Variants in PCDH11X observed in about 807,000 individuals in gnomAD.
PCDH11X encodes protocadherin 11 X-linked, also known as protocadherin-11 X-linked.
Under a neutral mutation model 53.3 loss-of-function variants are expected in PCDH11X, and 18 were observed. That is an observed-to-expected ratio of 0.34 (90% CI 0.23 to 0.50). PCDH11X has a LOEUF of 0.50. Ranked by LOEUF, PCDH11X falls within the 20% of genes least tolerant of loss-of-function variation. PCDH11X has a pLI of 0.98. For synonymous variants in PCDH11X, 279 were observed against 393.3 expected, an observed-to-expected ratio of 0.71 and a Z score of 3.44; for missense variants, 570 against 1,032.4, an observed-to-expected ratio of 0.55 and a Z score of 6.14.
At chrX:92,406,148 G>A (rs1486766792) in intron 9 of PCDH11X, among the ~76,000 whole-genome samples, 48 of 98,351 alleles carry the variant, frequency 4.9e-4, no homozygotes, top group African/African-American at 1.7e-3. Flanking sequence ...CCCAAAATTT[G>A]TATACCAACA....
rs267606530 is a variant in PCDH11X at position 91,879,049 on chromosome X, C to T, written c.2809C>T (p.Arg937Ter). 3 of 1,211,201 alleles carry T rather than the reference C, an allele frequency of 2.5e-6. No homozygotes were observed. The highest frequency in any genetic ancestry group is 3.4e-6 in the Non-Finnish European group (3 of 895,371). The change falls in exon 6 of 11, where the codon CGA becomes TGA. Residue 937 changes from arginine (R) to a stop codon, truncating the protein, a stop_gained. Transcript: ENST00000682573. LOFTEE classifies it high-confidence loss of function. ...TFKPDSPDLARHYKSASPQPA... is the reference protein window; with the variant it reads ...TFKPDSPDLA ...CAAGCCCGACAGCCCTGATTTGGCC[C>T]GACACTACAAATCTGCCTCTCCACA...
intron 10 of PCDH11X, among the ~76,000 whole-genome samples, chrX:92,567,903 C>T (rs62598736): frequency 0.21 from 22,874 of 107,757 alleles, 2,470 homozygotes; most frequent in Non-Finnish European, 0.32. Context: ...TGCTGGGCTT[C>T]ATACCTAGAT....
intron 9 of PCDH11X, among the ~76,000 whole-genome samples, chrX:92,403,063 A>G (rs891890780): frequency 9.3e-6 from 1 of 107,650 alleles, no homozygotes; most frequent in African/African-American, 3.4e-5. Context: ...AAATTTTACT[A>G]CCTTGCCTCT....
At chrX:91,883,662 T>C in intron 6 of PCDH11X, 1 of 496,051 alleles carries the variant, frequency 2.0e-6, no homozygotes, top group South Asian at 1.1e-4. Flanking sequence ...AAAATTAGCC[T>C]GGCGTGGTGG....
At chrX:91,782,780 G>A (rs1445795013) in intron 1 of PCDH11X, among the ~76,000 whole-genome samples, 1 of 111,682 alleles carries the variant, frequency 9.0e-6, no homozygotes, top group African/African-American at 3.3e-5. Context: ...TCTTTAAGAC[G>A]GAAGCCCGCT....
At chrX:91,821,252 G>A (rs370042615) in intron 4 of PCDH11X, among the ~76,000 whole-genome samples, 1 of 110,068 alleles carries the variant, frequency 9.1e-6, no homozygotes, top group Non-Finnish European at 1.9e-5. Context: ...GAATCTGTAA[G>A]TTACCTTGGG....
chrX:91,819,434 A>G (rs901079647), intron 4 of PCDH11X, among the ~76,000 whole-genome samples: 1 of 110,952 alleles, frequency 9.0e-6, no homozygotes, highest in Admixed American at 9.7e-5. Context: ...GGTGAAGATC[A>G]TGCATAAAAT....
At chrX:92,262,692 T>C in intron 7 of PCDH11X, among the ~76,000 whole-genome samples, 1 of 111,587 alleles carries the variant, frequency 9.0e-6, no homozygotes, top group Middle Eastern at 4.6e-3. Flanking sequence ...GAGCCTAGTT[T>C]TTCTCATTTC....
At chrX:92,026,542 G>T (rs1460361562) in intron 6 of PCDH11X, among the ~76,000 whole-genome samples, 4 of 107,502 alleles carry the variant, frequency 3.7e-5, no homozygotes, top group Non-Finnish European at 7.6e-5. Context: ...AATGATAGGG[G>T]TTTCACAAGT....
intron 5 of PCDH11X, among the ~76,000 whole-genome samples, chrX:91,849,678 A>C (rs1423868004): frequency 9.0e-6 from 1 of 110,882 alleles, no homozygotes; most frequent in Non-Finnish European, 1.9e-5. Context: ...AGTGTTGTCA[A>C]ATTTTTGAGG....
chrX:92,028,985 GGTTTTGCCATTT>G (rs1387714710), intron 6 of PCDH11X, among the ~76,000 whole-genome samples: 1 of 109,266 alleles, frequency 9.2e-6, no homozygotes, highest in Non-Finnish European at 1.9e-5. Flanking sequence ...ACACACTCTT[GGTTTTGCCATTT>G]TCTTGTCTTT....
chrX:92,129,567 G>A (rs1480757823), intron 6 of PCDH11X, among the ~76,000 whole-genome samples: 3 of 112,244 alleles, frequency 2.7e-5, no homozygotes, highest in Non-Finnish European at 5.6e-5. Context: ...CAAAGAAGCG[G>A]TTAAGCCTGA....
chrX:92,211,062 G>T (rs186839970), intron 7 of PCDH11X, among the ~76,000 whole-genome samples: 1 of 111,662 alleles, frequency 9.0e-6, no homozygotes, highest in East Asian at 2.8e-4. Context: ...GTATAGCAAT[G>T]CCCCACTTCT....
chrX:91,892,661 T>C (rs1363685315), intron 6 of PCDH11X, among the ~76,000 whole-genome samples: 1 of 110,580 alleles, frequency 9.0e-6, no homozygotes, highest in Non-Finnish European at 1.9e-5. Context: ...TAAACTGCAA[T>C]TGGCGATATT....
At chrX:92,127,516 C>A (rs900997955) in intron 6 of PCDH11X, among the ~76,000 whole-genome samples, 2 of 96,443 alleles carry the variant, frequency 2.1e-5, no homozygotes, top group Non-Finnish European at 4.0e-5. Flanking sequence ...TCTTTCCCCC[C>A]ACTTTTTTTT....
At chrX:92,356,837 C>T in intron 8 of PCDH11X, among the ~76,000 whole-genome samples, 1 of 107,362 alleles carries the variant, frequency 9.3e-6, no homozygotes, top group South Asian at 4.2e-4. Context: ...AAAGTGAAAT[C>T]ATCTTTACAC....
chrX:92,019,356 C>T (rs946094282), intron 6 of PCDH11X, among the ~76,000 whole-genome samples: 1 of 109,500 alleles, frequency 9.1e-6, no homozygotes, highest in African/African-American at 3.3e-5. Context: ...AACACTATAT[C>T]AAGTGGACCT....
chrX:91,968,791 C>T (rs1177623298), intron 6 of PCDH11X, among the ~76,000 whole-genome samples: 1 of 111,243 alleles, frequency 9.0e-6, no homozygotes, highest in Non-Finnish European at 1.9e-5. Context: ...TGATTTATAA[C>T]ACCATATTGT....
At chrX:91,987,148 G>A (rs1351573510) in intron 6 of PCDH11X, among the ~76,000 whole-genome samples, 1 of 112,031 alleles carries the variant, frequency 8.9e-6, no homozygotes. Context: ...GCAATGGAGT[G>A]ATCTCAAGTG....
Sources: gnomAD v4.1 joint callset for allele counts (sites outside exome capture counted in the v4.1 genomes callset) on GRCh38, gnomAD v4.1.1 for gene constraint, MANE v1.5 for transcripts, NCBI Gene and HGNC (gene_info 2026-07-23, HGNC 2026-07-21) for gene names.